PARD3B: variants seen among roughly 807,000 people sequenced by gnomAD.
The protein encoded by PARD3B is par-3 family cell polarity regulator beta.
In PARD3B, 103 loss-of-function variants were observed where a neutral mutation model predicts 130.2. That is an observed-to-expected ratio of 0.79 (90% CI 0.67 to 0.93). The LOEUF is 0.93. Among genes scored for constraint, PARD3B ranks in the 40% least tolerant of loss-of-function variants. PARD3B has a pLI of 0.00. For missense variants in PARD3B, 1,609 were observed against 1,499.2 expected (o/e 1.07, Z -1.21); for synonymous variants, 583 against 553.2 (o/e 1.05, Z -0.76).
At chr2:205,332,233 CT>C (rs2043164321) in intron 18 of PARD3B, among the ~76,000 whole-genome samples, 3 of 152,198 alleles carry the variant, frequency 2.0e-5, no homozygotes, top group Non-Finnish European at 4.4e-5. Context: ...CTCACATCAT[CT>C]TTGCTACTGT....
intron 4 of PARD3B, among the ~76,000 whole-genome samples, chr2:205,055,214 A>T (rs978090294): frequency 2.0e-5 from 3 of 152,166 alleles, no homozygotes; most frequent in Non-Finnish European, 2.9e-5. Context: ...ACTGTTCAAA[A>T]CATTTAGAAA....
intron 4 of PARD3B, among the ~76,000 whole-genome samples, chr2:205,094,723 T>C (rs963078578): frequency 1.4e-4 from 21 of 152,144 alleles, no homozygotes; most frequent in Admixed American, 3.9e-4. Flanking sequence ...TGTGCAAAAA[T>C]AAACAATTGC....
intron 21 of PARD3B, among the ~76,000 whole-genome samples, chr2:205,527,171 G>A (rs1447578057): frequency 6.6e-6 from 1 of 152,198 alleles, no homozygotes. Flanking sequence ...ATGCAGTGAA[G>A]TATGGCTTCC....
chr2:204,567,366 C>A (rs1045394052), intron 1 of PARD3B, among the ~76,000 whole-genome samples: 1 of 152,154 alleles, frequency 6.6e-6, no homozygotes, highest in South Asian at 2.1e-4. Flanking sequence ...TAAATAATAA[C>A]TCCCTATTCC....
At chr2:205,378,674 C>G (rs1434275402) in intron 18 of PARD3B, among the ~76,000 whole-genome samples, 3 of 146,072 alleles carry the variant, frequency 2.1e-5, no homozygotes, top group Non-Finnish European at 3.0e-5. Flanking sequence ...ACTCAGTCGT[C>G]AGGCTGGAGT....
chr2:204,640,253 C>T (rs2035028846), intron 1 of PARD3B, among the ~76,000 whole-genome samples: 1 of 152,084 alleles, frequency 6.6e-6, no homozygotes, highest in Non-Finnish European at 1.5e-5. Context: ...GAGACCCTGT[C>T]TCAAAAAAAC....
At chr2:205,249,339 G>A (rs1458254760) in intron 16 of PARD3B, among the ~76,000 whole-genome samples, 2 of 151,896 alleles carry the variant, frequency 1.3e-5, no homozygotes, top group Admixed American at 1.3e-4. Context: ...TCTTATTCAA[G>A]ATGACATTCA....
Position 204,996,624 on chromosome 2 carries a change from C to A in PARD3B, c.394+31301C>A, listed in dbSNP as rs879707071. ...TGGGCTCCACCCAGTTCGAGCTTCCCGGCTGCTTTGTTTACCTAAGCAAGC... is the reference window on the plus strand; with the variant it reads ...TGGGCTCCACCCAGTTCGAGCTTCCAGGCTGCTTTGTTTACCTAAGCAAGC... On this transcript the variant is annotated intron_variant, in intron 3 of 22. Transcript: ENST00000406610. 4.1e-3 allele frequency among the ~76,000 whole-genome samples: 625 copies of A among 150,766 alleles called. 4 individuals are homozygous for A. Among genetic ancestry groups the A allele is most frequent in the African/African-American group, 0.014 (594 of 41,048 alleles).
At chr2:204,549,317 C>G (rs1197626753) in intron 1 of PARD3B, among the ~76,000 whole-genome samples, 1 of 152,150 alleles carries the variant, frequency 6.6e-6, no homozygotes, top group Non-Finnish European at 1.5e-5. Context: ...GTCCCAGCCT[C>G]CAAATCCAAT....
intron 18 of PARD3B, among the ~76,000 whole-genome samples, chr2:205,323,529 A>C (rs2105973115): frequency 6.6e-6 from 1 of 152,290 alleles, no homozygotes; most frequent in Middle Eastern, 3.4e-3. Context: ...TAATACGCAA[A>C]GGGGACTATG....
chr2:205,449,925 G>A (rs1052530751), intron 20 of PARD3B, among the ~76,000 whole-genome samples: 1 of 152,210 alleles, frequency 6.6e-6, no homozygotes, highest in African/African-American at 2.4e-5. Flanking sequence ...GAATAGAGGT[G>A]TATGTGGGAT....
chr2:205,314,277 TAAAG>T (rs1400350237), intron 18 of PARD3B, among the ~76,000 whole-genome samples: 1 of 152,184 alleles, frequency 6.6e-6, no homozygotes, highest in Admixed American at 6.5e-5. Context: ...TTGCGTATAA[TAAAG>T]AATGAGACAC....
chr2:205,378,423 G>A (rs1247105434), intron 18 of PARD3B, among the ~76,000 whole-genome samples: 1 of 152,122 alleles, frequency 6.6e-6, no homozygotes, highest in Non-Finnish European at 1.5e-5. Context: ...GAAAAAAGAA[G>A]AAAGTTTCAA....
intron 2 of PARD3B, among the ~76,000 whole-genome samples, chr2:204,735,650 TA>T (rs2039713274): frequency 6.6e-6 from 1 of 152,150 alleles, no homozygotes; most frequent in Non-Finnish European, 1.5e-5. Context: ...GAAAAAGTTG[TA>T]AAAGACACTT....
chr2:205,264,586 T>C (rs2040434330), intron 16 of PARD3B, among the ~76,000 whole-genome samples: 1 of 151,162 alleles, frequency 6.6e-6, no homozygotes, highest in Non-Finnish European at 1.5e-5. Context: ...AACATAGAAG[T>C]CATACAATGA....
intron 3 of PARD3B, among the ~76,000 whole-genome samples, chr2:205,020,993 G>T (rs1387735127): frequency 2.0e-5 from 3 of 152,150 alleles, no homozygotes; most frequent in Non-Finnish European, 2.9e-5. Flanking sequence ...AATTTGACCA[G>T]GAAGGGACTC....
At chr2:205,037,777 G>T (rs183578545) in intron 3 of PARD3B, among the ~76,000 whole-genome samples, 24 of 151,942 alleles carry the variant, frequency 1.6e-4, no homozygotes, top group Non-Finnish European at 4.4e-5. Context: ...AGGAAGAGTA[G>T]TATGGATGGA....
At chr2:204,856,703 A>T (rs1213434025) in intron 2 of PARD3B, among the ~76,000 whole-genome samples, 1 of 152,012 alleles carries the variant, frequency 6.6e-6, no homozygotes. Context: ...TTTTGAGTAA[A>T]TTTTTGAATA....
Position 205,405,588 on chromosome 2 carries a change from C to G in PARD3B, c.2741+4465C>G, listed in dbSNP as rs2046391374. On this transcript the variant is annotated intron_variant, in intron 19 of 22. Coordinates refer to ENST00000406610, the MANE Select transcript of PARD3B (RefSeq NM_001302769.2). The surrounding 1 kb of genome is among the most constrained non-coding windows in gnomAD (Gnocchi z 4.1). ...CATTACTGATGAATATCCCATCAAT[C>G]TAAGCTTGCAAGAATAATTTTTTTC... is the stretch of plus-strand genomic sequence containing the variant. Among the ~76,000 whole-genome samples the G allele has an allele frequency of 6.6e-6, 1 of 152,166 alleles. No homozygotes were observed. Among genetic ancestry groups the G allele is most frequent in the African/African-American group, 2.4e-5 (1 of 41,446 alleles).
Sources: allele counts gnomAD v4.1 joint callset (sites outside exome capture counted in the v4.1 genomes callset), GRCh38; gene constraint gnomAD v4.1.1; non-coding constraint Gnocchi (gnomAD v3.1); transcripts MANE v1.5; gene names NCBI Gene and HGNC (gene_info 2026-07-23, HGNC 2026-07-21).